The following ELAPOR1 variants were observed in gnomAD, a reference collection of about 807,000 sequenced individuals.
ELAPOR1 encodes the protein endosome/lysosome-associated apoptosis and autophagy regulator 1.
A neutral mutation model predicts 119.7 loss-of-function variants in ELAPOR1; 77 were observed. The ratio of observed to expected loss-of-function variants is 0.64; its 90% CI spans 0.54 to 0.78. The LOEUF (loss-of-function observed/expected upper bound fraction) is 0.78, where lower values mean the gene tolerates loss of function less well. Ranked by LOEUF, ELAPOR1 falls within the 30% of genes least tolerant of loss-of-function variation. The pLI is 0.00. For synonymous variants in ELAPOR1, 481 were observed against 487.2 expected (o/e 0.99, Z 0.17); for missense variants, 1,115 against 1,270.4 (o/e 0.88, Z 1.86).
chr1:109,134,039 G>C (rs1194034543), intron 1 of ELAPOR1, among the ~76,000 whole-genome samples: 1 of 152,194 alleles, frequency 6.6e-6, no homozygotes, highest in Non-Finnish European at 1.5e-5. Context: ...GGTCATGGGT[G>C]GGCGGAAGTG....
At chr1:109,178,011 CTTTTTT>C (rs61317397) in intron 7 of ELAPOR1, among the ~76,000 whole-genome samples, 2 of 135,740 alleles carry the variant, frequency 1.5e-5, no homozygotes, top group African/African-American at 5.6e-5. Flanking sequence ...TTTTTTCTTT[CTTTTTT>C]TTTTTTTTTG....
rs886844566 is a variant in ELAPOR1 at position 109,204,930 on chromosome 1, A to C, written c.*1918A>C. ...AACAAGGTGTTCACCAAGCTGGGAT[A>C]CTTCTCACTATTAAGCCCCTATCTT... On this transcript the variant is annotated 3_prime_UTR_variant, in exon 22 of 22. Transcript: ENST00000369939. 1.3e-5 allele frequency: 2 copies of C among 152,222 alleles called. No homozygotes were observed. The highest frequency in any genetic ancestry group is 2.9e-5 in the Non-Finnish European group (2 of 68,034). The allele number at this position is 152,222 out of a possible 1,614,324, so 9.4% of individuals were successfully genotyped here.
At chr1:109,117,494 T>A (rs1482266324) in intron 1 of ELAPOR1, among the ~76,000 whole-genome samples, 1 of 152,200 alleles carries the variant, frequency 6.6e-6, no homozygotes, top group African/African-American at 2.4e-5. Context: ...GGGTTAGGAA[T>A]CTAGCAGACA....
rs147403321 is a variant in ELAPOR1, at chr1:109,194,467, C to T, written c.1994C>T (p.Pro665Leu). 1.3e-5 allele frequency: 21 copies of T among 1,613,728 alleles called. No individual in the cohort carries two copies. The highest frequency in any genetic ancestry group is 8.0e-5 in the African/African-American group (6 of 74,924). ...YNDCTFSRNT[P>L]TRTFNYNFSA... ...GATTGCACCTTCTCACGCAACACTC[C>T]GACCAGGACTTTCAACTACAACTTC... The change falls in exon 15 of 22, where the codon CCG becomes CTG. Residue 665 changes from proline (P) to leucine (L), a missense_variant. Coordinates refer to ENST00000369939, the MANE Select transcript of ELAPOR1 (RefSeq NM_020775.5).
At chr1:109,192,932 G>A (rs914840082) in intron 14 of ELAPOR1, 58 bp downstream of exon 14, 7 of 1,572,264 alleles carry the variant, frequency 4.5e-6, no homozygotes, top group Non-Finnish European at 6.1e-6. Context: ...GACCTCAGAA[G>A]ATGCTGGGTC....
At chr1:109,188,431 C>G in intron 9 of ELAPOR1, 77 bp downstream of exon 9, 1 of 1,467,084 alleles carries the variant, frequency 6.8e-7, no homozygotes, top group African/African-American at 1.4e-5. Flanking sequence ...CAGTGGCCAG[C>G]TGAATGCAGA....
At chr1:109,123,821 TAG>T (rs1266346862) in intron 1 of ELAPOR1, among the ~76,000 whole-genome samples, 3 of 152,308 alleles carry the variant, frequency 2.0e-5, no homozygotes, top group South Asian at 2.1e-4. Context: ...TTTTTTGAGA[TAG>T]AGTTTTTCTC....
At chr1:109,186,439 G>T in intron 8 of ELAPOR1, 1 of 948,842 alleles carries the variant, frequency 1.1e-6, no homozygotes, top group Non-Finnish European at 1.3e-6. Flanking sequence ...TTGCTGGCTG[G>T]GCGGCTGACT....
intron 1 of ELAPOR1, among the ~76,000 whole-genome samples, chr1:109,161,427 A>AG (rs1651248240): frequency 6.6e-6 from 1 of 151,754 alleles, no homozygotes; most frequent in African/African-American, 2.4e-5. Flanking sequence ...AAAAAAAAAA[A>AG]AAAAAAGAAA....
chr1:109,134,249 C>A (rs1649322066), intron 1 of ELAPOR1, among the ~76,000 whole-genome samples: 1 of 152,210 alleles, frequency 6.6e-6, no homozygotes, highest in African/African-American at 2.4e-5. Context: ...GTCAATATCA[C>A]AGTTTCCCGG....
chr1:109,149,746 A>G (rs1207163962), intron 1 of ELAPOR1, among the ~76,000 whole-genome samples: 2 of 152,228 alleles, frequency 1.3e-5, no homozygotes, highest in Non-Finnish European at 2.9e-5. Flanking sequence ...AACACAGCAA[A>G]TAGTAAAGGT....
intron 15 of ELAPOR1, among the ~76,000 whole-genome samples, chr1:109,197,166 G>A (rs746907853): frequency 2.6e-5 from 4 of 151,062 alleles, no homozygotes; most frequent in Admixed American, 6.6e-5. Flanking sequence ...ATTAACCTGC[G>A]GTTCCAGCTA....
At chr1:109,141,483 G>C (rs577087321) in intron 1 of ELAPOR1, among the ~76,000 whole-genome samples, 1 of 150,914 alleles carries the variant, frequency 6.6e-6, no homozygotes, top group African/African-American at 2.4e-5. Context: ...GGATGATCTC[G>C]AATTCCTGAC....
At chr1:109,193,733 G>A (rs765903150) in intron 14 of ELAPOR1, among the ~76,000 whole-genome samples, 1 of 152,096 alleles carries the variant, frequency 6.6e-6, no homozygotes, top group Admixed American at 6.5e-5. Flanking sequence ...TATGTACTCT[G>A]CAAACGTTGC....
intron 8 of ELAPOR1, among the ~76,000 whole-genome samples, 185 bp downstream of exon 8, chr1:109,185,318 C>T (rs74352434): frequency 0.012 from 1,810 of 152,198 alleles, 28 homozygotes; most frequent in African/African-American, 0.04. Context: ...ATTCATTTTC[C>T]GGTCAGAAAC....
At chr1:109,197,709 G>GTGTGTGTGTGTGTGTA in intron 16 of ELAPOR1, 55 bp downstream of exon 16, 1 of 1,521,788 alleles carries the variant, frequency 6.6e-7, no homozygotes. Context: ...GTGTGTGTGT[G>GTGTGTGTGTGTGTGTA]TGTGTATGTG....
intron 7 of ELAPOR1, among the ~76,000 whole-genome samples, chr1:109,178,247 T>G (rs1652474185): frequency 6.6e-6 from 1 of 152,014 alleles, no homozygotes; most frequent in African/African-American, 2.4e-5. Flanking sequence ...CTGACCTCAG[T>G]TGATCCACCC....
At chr1:109,172,340 G>C (rs970860490) in intron 4 of ELAPOR1, 148 bp from the exon 5 acceptor site, 1 of 643,652 alleles carries the variant, frequency 1.6e-6, no homozygotes, top group African/African-American at 1.8e-5. Context: ...CTACTTTGAG[G>C]CTCATGTGTT....
intron 7 of ELAPOR1, among the ~76,000 whole-genome samples, chr1:109,183,328 CAAAA>C (rs67807553): frequency 1.0e-4 from 3 of 29,444 alleles, no homozygotes; most frequent in African/African-American, 3.8e-4. Flanking sequence ...CTGTCTCTAC[CAAAA>C]AAAAAAAAAA....
Sources: gnomAD v4.1 joint callset for allele counts (sites outside exome capture counted in the v4.1 genomes callset) on GRCh38, gnomAD v4.1.1 for gene constraint, MANE v1.5 for transcripts, NCBI Gene and HGNC (gene_info 2026-07-23, HGNC 2026-07-21) for gene names.